MARCHF4: variants seen among roughly 807,000 people sequenced by gnomAD.
MARCHF4 encodes the protein membrane associated ring-CH-type finger 4.
MARCHF4 carries 14 observed loss-of-function variants against 43.9 expected under a neutral mutation model. The observed-to-expected ratio is 0.32, with a 90% CI of 0.21 to 0.50. The LOEUF is 0.50. Ranked by LOEUF, MARCHF4 falls within the 20% of genes least tolerant of loss-of-function variation. The pLI, the probability that MARCHF4 is intolerant of heterozygous loss-of-function variation, is 0.98. For synonymous variants in MARCHF4, 226 were observed against 213.3 expected, an observed-to-expected ratio of 1.06 and a Z score of -0.52; for missense variants, 468 against 536.7, an observed-to-expected ratio of 0.87 and a Z score of 1.27.
At chr2:216,341,978 AACTCATCATTAGGGGCAACC>A (rs1480226796) in intron 1 of MARCHF4, among the ~76,000 whole-genome samples, 1 of 152,194 alleles carries the variant, frequency 6.6e-6, no homozygotes, top group African/African-American at 2.4e-5. Flanking sequence ...GACTGTGGCA[AACTCATCATTAGGGGCAACC>A]ACTATTCAGC....
chr2:216,312,719 C>T (rs538098223), intron 1 of MARCHF4, among the ~76,000 whole-genome samples: 1 of 129,206 alleles, frequency 7.7e-6, no homozygotes, highest in African/African-American at 2.8e-5. Flanking sequence ...GCCCTTTGCC[C>T]AGTTTTTAAT....
At chr2:216,322,939 T>C (rs1691925150) in intron 1 of MARCHF4, among the ~76,000 whole-genome samples, 1 of 152,202 alleles carries the variant, frequency 6.6e-6, no homozygotes, top group Non-Finnish European at 1.5e-5. Flanking sequence ...AACAAAGCTA[T>C]TTACTATTAA....
At chr2:216,281,839 T>C (rs1275800367) in intron 2 of MARCHF4, among the ~76,000 whole-genome samples, 1 of 152,134 alleles carries the variant, frequency 6.6e-6, no homozygotes, top group Non-Finnish European at 1.5e-5. Flanking sequence ...TATGGATCCT[T>C]ATAGATCCAT....
intron 1 of MARCHF4, among the ~76,000 whole-genome samples, chr2:216,343,922 C>T (rs1450507209): frequency 6.6e-6 from 1 of 151,942 alleles, no homozygotes; most frequent in East Asian, 1.9e-4. Flanking sequence ...AGGAGAATCA[C>T]GAGAGGGAAT....
chr2:216,352,012 A>G (rs1346599189), intron 1 of MARCHF4, among the ~76,000 whole-genome samples: 4 of 152,224 alleles, frequency 2.6e-5, no homozygotes, highest in Non-Finnish European at 1.5e-5. Context: ...ACTATGGGGT[A>G]TGTGCTGCAT....
chr2:216,292,202 T>G (rs1194720425), intron 1 of MARCHF4, among the ~76,000 whole-genome samples: 2 of 152,242 alleles, frequency 1.3e-5, no homozygotes, highest in Non-Finnish European at 2.9e-5. Context: ...CCCTTCACAC[T>G]TTATTTACAA....
chr2:216,313,195 T>A (rs1005114359), intron 1 of MARCHF4, among the ~76,000 whole-genome samples: 1 of 152,212 alleles, frequency 6.6e-6, no homozygotes, highest in Non-Finnish European at 1.5e-5. Flanking sequence ...GTTGTAGGTA[T>A]GTGGCTTTTT....
intron 3 of MARCHF4, among the ~76,000 whole-genome samples, chr2:216,274,697 T>C (rs2105936484): frequency 6.6e-6 from 1 of 152,284 alleles, no homozygotes; most frequent in Middle Eastern, 3.4e-3. Flanking sequence ...TTTTATTTCT[T>C]CTCCTAGCAT....
intron 3 of MARCHF4, among the ~76,000 whole-genome samples, chr2:216,267,845 A>T (rs1462707504): frequency 6.6e-6 from 1 of 152,218 alleles, no homozygotes; most frequent in African/African-American, 2.4e-5. Flanking sequence ...TGTCAGAACA[A>T]CTGGGATAAA....
intron 1 of MARCHF4, among the ~76,000 whole-genome samples, chr2:216,335,079 T>C (rs1692137928): frequency 6.6e-6 from 1 of 152,216 alleles, no homozygotes; most frequent in Non-Finnish European, 1.5e-5. Context: ...AGAAAATCTA[T>C]ATAGCTCACA....
intron 3 of MARCHF4, among the ~76,000 whole-genome samples, chr2:216,274,497 T>C (rs1371229980): frequency 6.6e-6 from 1 of 152,110 alleles, no homozygotes; most frequent in Non-Finnish European, 1.5e-5. Flanking sequence ...TGATGCGTTT[T>C]CCCTCTACTG....
intron 1 of MARCHF4, among the ~76,000 whole-genome samples, chr2:216,340,082 G>A (rs1296715308): frequency 1.3e-5 from 2 of 152,142 alleles, no homozygotes; most frequent in South Asian, 2.1e-4. Flanking sequence ...CTCCCCTGCA[G>A]CCTTTCTTCC....
At chr2:216,304,116 G>A (rs556519875) in intron 1 of MARCHF4, among the ~76,000 whole-genome samples, 1 of 152,310 alleles carries the variant, frequency 6.6e-6, no homozygotes, top group East Asian at 1.9e-4. Flanking sequence ...TTGCTGCCTA[G>A]AGTAGAAAAA....
In MARCHF4 at chr2:216,370,624, G is replaced by A; in HGVS notation, c.-364C>T. ...GGGCCACTAGAGCCTCTGTCGAATTGTTTAAATCAATGTCGAATTGTTTAA... is the reference window on the plus strand; with the variant it reads ...GGGCCACTAGAGCCTCTGTCGAATTATTTAAATCAATGTCGAATTGTTTAA... On this transcript the variant is annotated 5_prime_UTR_variant, in exon 1 of 4. Transcript: ENST00000273067. 1 of 200,766 alleles carries A rather than the reference G, an allele frequency of 5.0e-6. No individual in the cohort carries two copies. Among genetic ancestry groups the A allele is most frequent in the Non-Finnish European group, 9.9e-6 (1 of 100,652 alleles). 12.4% of individuals were successfully genotyped at this position (200,766 alleles called of 1,614,324 possible).
chr2:216,319,397 T>A (rs975707191), intron 1 of MARCHF4, among the ~76,000 whole-genome samples: 5 of 152,140 alleles, frequency 3.3e-5, no homozygotes, highest in African/African-American at 1.2e-4. Context: ...GTGTTTGGAA[T>A]TGTACCCAGT....
intron 1 of MARCHF4, among the ~76,000 whole-genome samples, chr2:216,347,651 C>A (rs967183134): frequency 4.0e-5 from 6 of 151,628 alleles, no homozygotes; most frequent in Non-Finnish European, 7.4e-5. Flanking sequence ...TGCTTAAACC[C>A]GGGAGGCGGA....
At position 216,320,655 on chromosome 2, in the gene MARCHF4, CTTTCTTTCTTTCTTTCTTTCTTTT is replaced by C. The variant is rs1221472003; in HGVS notation, c.517-36950_517-36927del. Among the ~76,000 whole-genome samples, 316 of 109,376 alleles carry C rather than the reference CTTTCTTTCTTTCTTTCTTTCTTTT, an allele frequency of 2.9e-3. 5 individuals are homozygous for C. Among genetic ancestry groups the C allele is most frequent in the African/African-American group, 0.012 (303 of 24,774 alleles). 71.8% of individuals were successfully genotyped at this position (109,376 alleles called of 152,430 possible). A position where few individuals can be genotyped will look rare whatever the true frequency, so the allele number is the denominator to read the frequency against. ...TCTTTCTTTCTTTCTTTCTTTCTTT[CTTTCTTTCTTTCTTTCTTTCTTTT>C]TTTTTTTTTGAGATGGAGTCCCACT... On this transcript the variant is annotated intron_variant, in intron 1 of 3. Coordinates refer to ENST00000273067, the MANE Select transcript of MARCHF4 (RefSeq NM_020814.3).
At chr2:216,272,285 A>G (rs1241293161) in intron 3 of MARCHF4, among the ~76,000 whole-genome samples, 3 of 152,148 alleles carry the variant, frequency 2.0e-5, no homozygotes, top group African/African-American at 7.2e-5. Flanking sequence ...TTTCATCTCA[A>G]TTTCTCAGGC....
chr2:216,304,001 A>G (rs1215575227), intron 1 of MARCHF4, among the ~76,000 whole-genome samples: 1 of 152,182 alleles, frequency 6.6e-6, no homozygotes, highest in Non-Finnish European at 1.5e-5. Flanking sequence ...TACCCACCCC[A>G]GGACCCTGAA....
Sources: gnomAD v4.1 joint callset for allele counts (sites outside exome capture counted in the v4.1 genomes callset) on GRCh38, gnomAD v4.1.1 for gene constraint, MANE v1.5 for transcripts, NCBI Gene and HGNC (gene_info 2026-07-23, HGNC 2026-07-21) for gene names.